NCAM2: variants seen among roughly 807,000 people sequenced by gnomAD.
NCAM2 encodes the protein N-CAM-2.
Under a neutral mutation model 98.1 loss-of-function variants are expected in NCAM2, and 30 were observed. The ratio of observed to expected loss-of-function variants is 0.31; its 90% CI spans 0.23 to 0.41. The LOEUF is 0.41. NCAM2 is among the 10% of genes least tolerant of loss of function. NCAM2 has a pLI of 1.00. For synonymous variants in NCAM2, 368 were observed against 342.4 expected, an observed-to-expected ratio of 1.07 and a Z score of -0.83; for missense variants, 867 against 1,005.8, an observed-to-expected ratio of 0.86 and a Z score of 1.87.
intron 15 of NCAM2, among the ~76,000 whole-genome samples, chr21:21,482,794 A>G (rs962182191): frequency 2.6e-5 from 4 of 151,846 alleles, no homozygotes; most frequent in African/African-American, 9.7e-5. Context: ...CTTATTAAAG[A>G]TGTACTTATT....
At chr21:21,315,235 C>A (rs754341732) in intron 5 of NCAM2, among the ~76,000 whole-genome samples, 1 of 152,076 alleles carries the variant, frequency 6.6e-6, no homozygotes, top group Non-Finnish European at 1.5e-5. Flanking sequence ...GGAGGTTTAC[C>A]TTTTAGTTAA....
intron 5 of NCAM2, among the ~76,000 whole-genome samples, chr21:21,297,036 A>C (rs551068478): frequency 1.9e-4 from 29 of 151,998 alleles, no homozygotes; most frequent in African/African-American, 7.0e-4. Flanking sequence ...GCTAAAAAAA[A>C]GTTAAAGACC....
chr21:21,307,280 T>C (rs931761876), intron 5 of NCAM2, among the ~76,000 whole-genome samples: 1 of 152,208 alleles, frequency 6.6e-6, no homozygotes, highest in African/African-American at 2.4e-5. Flanking sequence ...AACTCGTTCT[T>C]ATTTTAGTAC....
At chr21:21,493,434 A>G (rs922575227) in intron 15 of NCAM2, among the ~76,000 whole-genome samples, 3 of 151,918 alleles carry the variant, frequency 2.0e-5, no homozygotes, top group African/African-American at 7.2e-5. Flanking sequence ...ATTGAATGGA[A>G]ACTAAAGAGG....
In NCAM2 at chr21:21,125,411, T is replaced by C. The variant is rs1373134639; in HGVS notation, c.55+126793T>C. 3.9e-4 allele frequency among the ~76,000 whole-genome samples: 54 copies of C among 137,382 alleles called. 3 individuals carry two copies. Among genetic ancestry groups the C allele is most frequent in the African/African-American group, 1.4e-3 (49 of 35,750 alleles). The allele number at this position is 137,382 out of a possible 152,430, so 90.1% of individuals were successfully genotyped here. A position where few individuals can be genotyped will look rare whatever the true frequency, so the allele number is the denominator to read the frequency against. ...TTACATATATATGTAATATATAATATTTTACATATATTCATACATATGTAA... is the reference window on the plus strand; with the variant it reads ...TTACATATATATGTAATATATAATACTTTACATATATTCATACATATGTAA... On this transcript the variant is annotated intron_variant, in intron 1 of 17. Transcript: ENST00000400546.
intron 8 of NCAM2, among the ~76,000 whole-genome samples, chr21:21,366,967 TACTAATG>T (rs1352273629): frequency 6.6e-6 from 1 of 152,062 alleles, no homozygotes; most frequent in Non-Finnish European, 1.5e-5. Flanking sequence ...AGTCAATACT[TACTAATG>T]ACTAGTTGTA....
chr21:21,171,318 C>T (rs1248904167), intron 1 of NCAM2, among the ~76,000 whole-genome samples: 1 of 152,174 alleles, frequency 6.6e-6, no homozygotes, highest in Non-Finnish European at 1.5e-5. Context: ...TAGAACTAAA[C>T]TGTAATGAAC....
At chr21:21,126,203 T>A (rs1365555356) in intron 1 of NCAM2, among the ~76,000 whole-genome samples, 1 of 126,688 alleles carries the variant, frequency 7.9e-6, no homozygotes, top group Non-Finnish European at 1.6e-5. Flanking sequence ...TGAGACCAGA[T>A]CTGACTTCCA....
intron 1 of NCAM2, among the ~76,000 whole-genome samples, chr21:21,247,810 A>G (rs148398968): frequency 6.6e-6 from 1 of 152,204 alleles, no homozygotes. Context: ...GAATCAATTT[A>G]TCTGAATGAA....
At chr21:21,483,614 A>G (rs1038778259) in intron 15 of NCAM2, among the ~76,000 whole-genome samples, 1 of 152,094 alleles carries the variant, frequency 6.6e-6, no homozygotes, top group Admixed American at 6.5e-5. Flanking sequence ...TGGTTGTTTT[A>G]GAACATAAGT....
chr21:21,063,210 CTTTTTTTTTT>C (rs11325446), intron 1 of NCAM2, among the ~76,000 whole-genome samples: 21 of 66,108 alleles, frequency 3.2e-4, no homozygotes, highest in Admixed American at 7.9e-4. Context: ...TCTTTACATT[CTTTTTTTTTT>C]TTTTTTTTTT....
At chr21:21,002,658 A>G (rs2064040839) in intron 1 of NCAM2, among the ~76,000 whole-genome samples, 1 of 152,136 alleles carries the variant, frequency 6.6e-6, no homozygotes, top group Non-Finnish European at 1.5e-5. Context: ...CTCTCACAGC[A>G]ATGAATTTTT....
chr21:21,109,157 A>T (rs538421508), intron 1 of NCAM2, among the ~76,000 whole-genome samples: 8 of 152,166 alleles, frequency 5.3e-5, no homozygotes, highest in Non-Finnish European at 8.8e-5. Context: ...CTGGGGAAAA[A>T]AATCTTGGCT....
intron 1 of NCAM2, among the ~76,000 whole-genome samples, chr21:21,102,231 C>T (rs1371880717): frequency 2.0e-5 from 3 of 151,980 alleles, no homozygotes; most frequent in Admixed American, 6.6e-5. Context: ...TATTGGAATG[C>T]TTATGTAGAT....
intron 12 of NCAM2, among the ~76,000 whole-genome samples, chr21:21,440,595 C>T (rs571578808): frequency 1.3e-5 from 2 of 151,974 alleles, no homozygotes; most frequent in African/African-American, 4.8e-5. Flanking sequence ...ATGGGAGGAT[C>T]ACTTGAACCC....
intron 14 of NCAM2, among the ~76,000 whole-genome samples, chr21:21,470,736 A>G (rs556741917): frequency 6.6e-6 from 1 of 152,144 alleles, no homozygotes; most frequent in South Asian, 2.1e-4. Context: ...TCTGTTTTTC[A>G]TAACACATTG....
chr21:21,332,667 A>G (rs1191152002), intron 6 of NCAM2, among the ~76,000 whole-genome samples: 1 of 152,072 alleles, frequency 6.6e-6, no homozygotes, highest in African/African-American at 2.4e-5. Context: ...CTCTCACATT[A>G]TCTAACCTGC....
At chr21:21,501,320 T>A (rs1023904306) in intron 15 of NCAM2, among the ~76,000 whole-genome samples, 6 of 151,968 alleles carry the variant, frequency 3.9e-5, no homozygotes, top group Non-Finnish European at 8.8e-5. Context: ...TCTCAGAATG[T>A]GTCTTCCATA....
chr21:21,258,562 C>G (rs1228387408), intron 1 of NCAM2, among the ~76,000 whole-genome samples: 1 of 152,066 alleles, frequency 6.6e-6, no homozygotes, highest in African/African-American at 2.4e-5. Flanking sequence ...GCTGGGGAGG[C>G]CCTCCACCCT....
Sources: gnomAD v4.1 joint callset for allele counts (sites outside exome capture counted in the v4.1 genomes callset) on GRCh38, gnomAD v4.1.1 for gene constraint, MANE v1.5 for transcripts, NCBI Gene and HGNC (gene_info 2026-07-23, HGNC 2026-07-21) for gene names.